Variants in CLXN observed in about 807,000 individuals in gnomAD.
The protein encoded by CLXN is calaxin.
the CLXN span, chr8:48,713,883 A>G: frequency 6.6e-6 from 1 of 152,144 alleles, no homozygotes; most frequent in Non-Finnish European, 1.5e-5. Context: ...AAAAAAAAAC[A>G]CTTAATTGTT....
At chr8:48,730,006 G>A in the CLXN span, 3 of 702,678 alleles carry the variant, frequency 4.3e-6, no homozygotes, top group Admixed American at 8.9e-5. Context: ...TGCATTGTAA[G>A]TGTCAACGTA....
chr8:48,720,589 A>G, the CLXN span, among the ~76,000 whole-genome samples: 2 of 152,176 alleles, frequency 1.3e-5, no homozygotes, highest in Non-Finnish European at 2.9e-5. Flanking sequence ...GTTGTTTAAG[A>G]TGTTTATCAA....
At chr8:48,729,444 G>A in the CLXN span, among the ~76,000 whole-genome samples, 1 of 151,684 alleles carries the variant, frequency 6.6e-6, no homozygotes, top group African/African-American at 2.4e-5. Flanking sequence ...AATTGCTTGA[G>A]CCCAAGAGTT....
chr8:48,718,184 T>A, the CLXN span, among the ~76,000 whole-genome samples: 5 of 152,110 alleles, frequency 3.3e-5, no homozygotes, highest in Non-Finnish European at 7.4e-5. Flanking sequence ...CAGAGGTGAT[T>A]ATGCTTATAT....
the CLXN span, chr8:48,735,240 T>G: frequency 2.1e-6 from 3 of 1,461,336 alleles, no homozygotes. Context: ...GCCCTGGTGC[T>G]GGGTCAACGC....
the CLXN span, chr8:48,715,216 C>T: frequency 6.6e-5 from 10 of 152,156 alleles, no homozygotes; most frequent in Middle Eastern, 3.4e-3. Flanking sequence ...TTCAGAGAAC[C>T]TCAATTCCTT....
At chr8:48,732,744 T>C in the CLXN span, among the ~76,000 whole-genome samples, 21 of 152,196 alleles carry the variant, frequency 1.4e-4, no homozygotes, top group South Asian at 6.2e-4. Flanking sequence ...ATAGACAAAA[T>C]GTGGTGTATT....
chr8:48,729,152 G>A, the CLXN span: 50 of 1,601,080 alleles, frequency 3.1e-5, no homozygotes, highest in Non-Finnish European at 4.1e-5. Flanking sequence ...TGATCCTAGG[G>A]GAATGAGAAA....
the CLXN span, among the ~76,000 whole-genome samples, chr8:48,721,654 A>G: frequency 6.6e-6 from 1 of 152,222 alleles, no homozygotes; most frequent in Non-Finnish European, 1.5e-5. Context: ...CCAAGCATCT[A>G]CAGTCAACTG....
the CLXN span, among the ~76,000 whole-genome samples, chr8:48,732,006 G>A: frequency 1.3e-5 from 2 of 152,058 alleles, no homozygotes; most frequent in Non-Finnish European, 2.9e-5. Flanking sequence ...CAATAAAAAA[G>A]CTTTAAAGCA....
At chr8:48,711,994 T>C in the CLXN span, 5 of 152,246 alleles carry the variant, frequency 3.3e-5, no homozygotes, top group Non-Finnish European at 5.9e-5. Flanking sequence ...TCATGTATTA[T>C]TGAGATTATG....
the CLXN span, chr8:48,712,126 T>G: frequency 6.6e-6 from 1 of 152,238 alleles, no homozygotes. Context: ...GCTTTTGGGC[T>G]AATTATTTCT....
the CLXN span, chr8:48,729,052 G>C: frequency 1.2e-6 from 2 of 1,609,906 alleles, no homozygotes; most frequent in Non-Finnish European, 1.7e-6. Context: ...CTTTGGATCA[G>C]GAAGACATGG....
chr8:48,729,987 A>G, the CLXN span: 4 of 892,180 alleles, frequency 4.5e-6, no homozygotes, highest in Non-Finnish European at 6.6e-6. Context: ...GTCTTAGTGC[A>G]GCCTGATTTG....
the CLXN span, chr8:48,723,624 C>T: frequency 6.6e-6 from 1 of 152,264 alleles, no homozygotes; most frequent in Non-Finnish European, 1.5e-5. Flanking sequence ...AGCAGCTCAC[C>T]CAAGCCTAAC....
chr8:48,725,277 G>A, the CLXN span, among the ~76,000 whole-genome samples: 1 of 152,206 alleles, frequency 6.6e-6, no homozygotes, highest in Non-Finnish European at 1.5e-5. Flanking sequence ...TTATTCACAA[G>A]GTGGGAGGGT....
At chr8:48,728,151 C>G in the CLXN span, among the ~76,000 whole-genome samples, 1 of 152,162 alleles carries the variant, frequency 6.6e-6, no homozygotes, top group Non-Finnish European at 1.5e-5. Context: ...GATGCCTCAT[C>G]ACCTTCAAGA....
At chr8:48,714,708 G>C in the CLXN span, among the ~76,000 whole-genome samples, 1 of 152,186 alleles carries the variant, frequency 6.6e-6, no homozygotes, top group Non-Finnish European at 1.5e-5. Context: ...GTACATTGGG[G>C]ATGGCAGTTC....
chr8:48,726,224 TCATCCATCCATC>T, the CLXN span, among the ~76,000 whole-genome samples: 2 of 128,210 alleles, frequency 1.6e-5, no homozygotes, highest in Admixed American at 1.6e-4. Context: ...CCCATTCACT[TCATCCATCCATC>T]CATCCATCCA....
Sources: gnomAD v4.1 joint callset for allele counts (sites outside exome capture counted in the v4.1 genomes callset) on GRCh38, gnomAD v4.1.1 for gene constraint, MANE v1.5 for transcripts, NCBI Gene and HGNC (gene_info 2026-07-23, HGNC 2026-07-21) for gene names.